Variants in CCDC57 observed in about 807,000 individuals in gnomAD.
CCDC57 encodes the protein coiled-coil domain-containing protein 57.
CCDC57 carries 118 observed loss-of-function variants against 118.9 expected under a neutral mutation model. The ratio of observed to expected loss-of-function variants is 0.99; its 90% CI spans 0.86 to 1.16. The LOEUF (loss-of-function observed/expected upper bound fraction) is 1.16. Ranked by LOEUF, CCDC57 falls within the 50% of genes most tolerant of loss-of-function variation. The pLI is 0.00. For missense variants in CCDC57, 1,300 were observed against 1,320.7 expected, an observed-to-expected ratio of 0.98 and a Z score of 0.24; for synonymous variants, 527 against 532.9, an observed-to-expected ratio of 0.99 and a Z score of 0.15.
intron 19 of CCDC57, chr17:82,113,060 A>C (rs2035405262): frequency 2.7e-6 from 1 of 370,330 alleles, no homozygotes; most frequent in Non-Finnish European, 4.9e-6. Flanking sequence ...TTTGTTCTAA[A>C]AGTTATTTCA....
In CCDC57 at chr17:82,197,252, G is replaced by A. The variant is rs958852102; in HGVS notation, c.516+1062C>T. On this transcript the variant is annotated intron_variant, in intron 4 of 19. Coordinates refer to ENST00000665763, the Ensembl canonical transcript of CCDC57. The stretch of plus-strand genomic sequence containing the variant: ...TCGTGACACCTGCACCTGCAGAGAC[G>A]CAGCCCCTCATGACACCTGCACCTG... 2.8e-4 allele frequency among the ~76,000 whole-genome samples: 43 copies of A among 151,070 alleles called. No individual in the cohort carries two copies. In the South Asian group the frequency reaches 3.1e-3, roughly 11 times the overall value.
intron 18 of CCDC57, 73 bp downstream of exon 17, chr17:82,128,420 A>G: frequency 9.5e-7 from 1 of 1,048,414 alleles, no homozygotes; most frequent in South Asian, 1.4e-5. Context: ...AGAGGCCCAG[A>G]GCACCCAGGC....
At chr17:82,207,351 AC>A (rs938845061) in intron 2 of CCDC57, among the ~76,000 whole-genome samples, 9 of 151,956 alleles carry the variant, frequency 5.9e-5, no homozygotes, top group African/African-American at 1.5e-4. Context: ...AAAAAAAAAA[AC>A]AAAAAAGAAA....
At chr17:82,193,291 C>T (rs974296577) in intron 7 of CCDC57, among the ~76,000 whole-genome samples, 5 of 151,952 alleles carry the variant, frequency 3.3e-5, no homozygotes, top group Non-Finnish European at 7.4e-5. Context: ...TGCCTATAAT[C>T]GCAGCACTTT....
intron 15 of CCDC57, chr17:82,157,517 C>A: frequency 1.4e-6 from 2 of 1,423,216 alleles, no homozygotes; most frequent in Non-Finnish European, 9.1e-7. Flanking sequence ...CCCCCACCAA[C>A]GGGGCATCAA....
intron 16 of CCDC57, among the ~76,000 whole-genome samples, chr17:82,149,501 C>A (rs1038887045): frequency 6.6e-6 from 1 of 152,112 alleles, no homozygotes; most frequent in African/African-American, 2.4e-5. Flanking sequence ...ATCTTCGCTG[C>A]TCACCACAGA....
chr17:82,124,682 G>C (rs1055440576), intron 19 of CCDC57, among the ~76,000 whole-genome samples: 4 of 152,078 alleles, frequency 2.6e-5, no homozygotes, highest in African/African-American at 9.7e-5. Flanking sequence ...TGTGGTCCCA[G>C]CTACTTGGGA....
At chr17:82,131,329 G>C (rs1458610360) in intron 17 of CCDC57, among the ~76,000 whole-genome samples, 1 of 151,918 alleles carries the variant, frequency 6.6e-6, no homozygotes, top group Non-Finnish European at 1.5e-5. Context: ...TGCTCAGAAG[G>C]CTGAGGCAGG....
At chr17:82,183,905 T>G in exon 9 of CCDC57, 2 of 1,613,734 alleles carry the variant, frequency 1.2e-6, no homozygotes, top group East Asian at 2.2e-5. Flanking sequence ...CCCAGGCAGA[T>G]TTTACAGTTG....
At chr17:82,133,632 G>A (rs1418545963) in intron 17 of CCDC57, among the ~76,000 whole-genome samples, 1 of 151,652 alleles carries the variant, frequency 6.6e-6, no homozygotes. Flanking sequence ...AGGCAGAGGC[G>A]GGTGGATCAC....
At chr17:82,211,827 G>A (rs984225742) in intron 1 of CCDC57, among the ~76,000 whole-genome samples, 1 of 152,176 alleles carries the variant, frequency 6.6e-6, no homozygotes, top group Non-Finnish European at 1.5e-5. Flanking sequence ...AGAAACTGGA[G>A]CAAGCTGTAC....
chr17:82,122,551 C>A (rs922799609), intron 19 of CCDC57, among the ~76,000 whole-genome samples: 2 of 137,716 alleles, frequency 1.5e-5, no homozygotes, highest in African/African-American at 5.4e-5. Flanking sequence ...ATACCCACTG[C>A]ACCTGCAGCC....
intron 14 of CCDC57, among the ~76,000 whole-genome samples, chr17:82,162,923 G>C (rs1170887917): frequency 5.3e-5 from 8 of 152,142 alleles, no homozygotes; most frequent in Non-Finnish European, 1.5e-5. Flanking sequence ...CCTCTGAGCG[G>C]GCACAGCCAG....
intron 9 of CCDC57, among the ~76,000 whole-genome samples, chr17:82,182,217 G>GT (rs2146466869): frequency 6.6e-6 from 1 of 151,586 alleles, no homozygotes; most frequent in South Asian, 2.1e-4. Flanking sequence ...CAAGTAATAG[G>GT]TAAATCTAAA....
chr17:82,195,810 C>T (rs982106615), intron 4 of CCDC57, among the ~76,000 whole-genome samples: 2 of 152,108 alleles, frequency 1.3e-5, no homozygotes, highest in African/African-American at 2.4e-5. Flanking sequence ...CAGAGCTTCC[C>T]GACAGCCAGT....
intron 16 of CCDC57, among the ~76,000 whole-genome samples, chr17:82,149,549 T>A (rs1598926892): frequency 6.6e-6 from 1 of 152,034 alleles, no homozygotes; most frequent in Non-Finnish European, 1.5e-5. Flanking sequence ...TAACCTGCGG[T>A]GTTGTTCTCA....
chr17:82,164,324 T>C (rs1369308257), intron 13 of CCDC57, among the ~76,000 whole-genome samples: 1 of 152,038 alleles, frequency 6.6e-6, no homozygotes, highest in Admixed American at 6.6e-5. Context: ...GAGGTGGCAG[T>C]GAGCCAAGAT....
At chr17:82,101,972 G>T in intron 19 of CCDC57, 106 bp from the exon 19 acceptor site, 1 of 1,146,136 alleles carries the variant, frequency 8.7e-7, no homozygotes, top group Non-Finnish European at 1.2e-6. Context: ...TTCCCGGCCA[G>T]CGGGGGCCCT....
intron 19 of CCDC57, 22 bp downstream of exon 18, chr17:82,127,670 C>A (rs772576742): frequency 3.8e-6 from 6 of 1,576,910 alleles, no homozygotes; most frequent in South Asian, 1.1e-5. Context: ...GTGGGCAGCT[C>A]CTGGGGAGGG....
Sources: gnomAD v4.1 joint callset for allele counts (sites outside exome capture counted in the v4.1 genomes callset) on GRCh38, gnomAD v4.1.1 for gene constraint, MANE v1.5 for transcripts, NCBI Gene and HGNC (gene_info 2026-07-23, HGNC 2026-07-21) for gene names.